Variants in PRKG1 observed in about 807,000 individuals in gnomAD.
PRKG1 encodes the protein cGMP-dependent protein kinase 1.
In PRKG1, 35 loss-of-function variants were observed where a neutral mutation model predicts 88.1. The observed-to-expected ratio is 0.40, with a 90% CI of 0.30 to 0.53. The LOEUF is 0.53. Ranked by LOEUF, PRKG1 falls within the 20% of genes least tolerant of loss-of-function variation. The pLI, the probability that PRKG1 is intolerant of heterozygous loss-of-function variation, is 0.59. For missense variants in PRKG1, 540 were observed against 839.8 expected (o/e 0.64, Z 4.41); for synonymous variants, 303 against 292.5 (o/e 1.04, Z -0.37).
intron 3 of PRKG1, among the ~76,000 whole-genome samples, chr10:51,468,516 A>AT (rs1433391462): frequency 2.0e-5 from 3 of 151,844 alleles, no homozygotes; most frequent in Admixed American, 1.3e-4. Flanking sequence ...AAGGAAAAAG[A>AT]TTTTTTTAAA....
intron 2 of PRKG1, among the ~76,000 whole-genome samples, chr10:51,353,418 G>A (rs1020438232): frequency 2.0e-5 from 3 of 151,714 alleles, no homozygotes; most frequent in Non-Finnish European, 1.5e-5. Flanking sequence ...GATTAATAAC[G>A]AGAATATAGA....
chr10:51,182,359 G>A (rs1335934365), intron 2 of PRKG1, among the ~76,000 whole-genome samples: 8 of 152,146 alleles, frequency 5.3e-5, no homozygotes, highest in Non-Finnish European at 1.0e-4. Flanking sequence ...GTTGATTTTA[G>A]AGATATCATA....
At chr10:51,572,066 T>C (rs1017294127) in intron 3 of PRKG1, among the ~76,000 whole-genome samples, 2 of 152,026 alleles carry the variant, frequency 1.3e-5, no homozygotes, top group Non-Finnish European at 2.9e-5. Context: ...ATAAAGCAAT[T>C]TGTAGTTGTC....
chr10:52,069,903 T>C (rs1455612059), intron 7 of PRKG1, among the ~76,000 whole-genome samples: 2 of 152,166 alleles, frequency 1.3e-5, no homozygotes, highest in Non-Finnish European at 2.9e-5. Flanking sequence ...ATTGCACTTA[T>C]GTCATTCCTT....
intron 10 of PRKG1, chr10:52,252,952 A>G (rs549688914): frequency 2.6e-5 from 4 of 152,196 alleles, no homozygotes; most frequent in African/African-American, 9.6e-5. Flanking sequence ...GTGGCAAATC[A>G]TAATTGTCTG....
chr10:51,633,146 A>G (rs1310342521), intron 3 of PRKG1, among the ~76,000 whole-genome samples: 1 of 152,192 alleles, frequency 6.6e-6, no homozygotes, highest in Non-Finnish European at 1.5e-5. Context: ...ACTCAGAGGT[A>G]CAAGAAGAGT....
At chr10:51,113,944 CGTGTGTGTGTGTGTGTGT>C (rs35562284) in intron 1 of PRKG1, among the ~76,000 whole-genome samples, 10 of 139,028 alleles carry the variant, frequency 7.2e-5, no homozygotes, top group South Asian at 2.5e-4. Context: ...AGCCTGTAAA[CGTGTGTGTGTGTGTGTGT>C]GTGTGTGTGT....
chr10:51,304,696 A>G (rs1302595760), intron 2 of PRKG1, among the ~76,000 whole-genome samples: 1 of 130,000 alleles, frequency 7.7e-6, no homozygotes, highest in African/African-American at 3.0e-5. Context: ...ATGTGTTCTC[A>G]TTGTTCAATT....
At chr10:51,375,333 G>C (rs1842795467) in intron 2 of PRKG1, among the ~76,000 whole-genome samples, 1 of 151,990 alleles carries the variant, frequency 6.6e-6, no homozygotes, top group Admixed American at 6.6e-5. Context: ...ATAGTGGCTG[G>C]CATAGAGGAG....
chr10:51,299,100 T>A (rs1489530957), intron 2 of PRKG1, among the ~76,000 whole-genome samples: 2 of 152,112 alleles, frequency 1.3e-5, no homozygotes, highest in Non-Finnish European at 2.9e-5. Flanking sequence ...GTTCAGTTAA[T>A]GGTTCCTTAA....
At chr10:51,163,503 G>A (rs931192122) in intron 2 of PRKG1, among the ~76,000 whole-genome samples, 5 of 152,118 alleles carry the variant, frequency 3.3e-5, no homozygotes, top group Non-Finnish European at 7.4e-5. Flanking sequence ...TGAGGTACCG[G>A]GTTCATCTCA....
intron 2 of PRKG1, among the ~76,000 whole-genome samples, chr10:51,268,808 G>A (rs940122150): frequency 9.2e-5 from 14 of 152,174 alleles, no homozygotes; most frequent in African/African-American, 3.1e-4. Context: ...TATTGACTGG[G>A]GAAGTGATAG....
intron 2 of PRKG1, among the ~76,000 whole-genome samples, chr10:51,219,390 A>G (rs1425001982): frequency 6.6e-6 from 1 of 152,096 alleles, no homozygotes; most frequent in African/African-American, 2.4e-5. Context: ...GCTTTAATCT[A>G]GGTACACAGT....
chr10:51,894,749 T>C (rs1239681542), intron 4 of PRKG1, among the ~76,000 whole-genome samples: 1 of 152,170 alleles, frequency 6.6e-6, no homozygotes, highest in East Asian at 1.9e-4. Flanking sequence ...TTAGATATAG[T>C]GTAGTTTTAG....
rs564876343 is a variant in PRKG1 at position 52,208,701 on chromosome 10, A to G, written c.1077-42869A>G. Among the ~76,000 whole-genome samples, 12 of 152,362 alleles carry G rather than the reference A, an allele frequency of 7.9e-5. No individual in the cohort carries two copies. In the East Asian group the frequency reaches 2.3e-3, roughly 29 times the overall value. ...AAAGATGATCTTCAAGGCAATGACAAGTGAAATGGCAAATTATTTCTGCCC... is the reference window on the plus strand; with the variant it reads ...AAAGATGATCTTCAAGGCAATGACAGGTGAAATGGCAAATTATTTCTGCCC... On this transcript the variant is annotated intron_variant, in intron 9 of 17. Transcript: ENST00000373980.
intron 3 of PRKG1, among the ~76,000 whole-genome samples, chr10:51,562,290 C>T (rs551802763): frequency 1.3e-4 from 19 of 151,482 alleles, no homozygotes; most frequent in African/African-American, 4.1e-4. Context: ...AGGTTTTCAT[C>T]TTTTGCAAGG....
intron 3 of PRKG1, among the ~76,000 whole-genome samples, chr10:51,778,023 T>C (rs987841296): frequency 6.6e-6 from 1 of 152,196 alleles, no homozygotes; most frequent in Non-Finnish European, 1.5e-5. Flanking sequence ...GAAAGACATT[T>C]TGATTGCTTC....
At chr10:52,093,311 A>G (rs905099397) in intron 7 of PRKG1, among the ~76,000 whole-genome samples, 7 of 152,212 alleles carry the variant, frequency 4.6e-5, no homozygotes, top group Non-Finnish European at 7.4e-5. Context: ...AAGTGGTCAA[A>G]TAACTGTTAT....
At position 52,296,450 on chromosome 10, in the gene PRKG1, G is replaced by A. The variant is rs981434677; in HGVS notation, c.*2550G>A. The A allele has an allele frequency of 8.5e-5, 13 of 152,074 alleles. No individual in the cohort carries two copies. In the East Asian group the frequency reaches 1.4e-3, roughly 16 times the overall value. The allele number at this position is 152,074 out of a possible 1,614,324, so 9.4% of individuals were successfully genotyped here. A position where few individuals can be genotyped will look rare whatever the true frequency, so the allele number is the denominator to read the frequency against. The stretch of plus-strand genomic sequence containing the variant: ...CAAGATGTACCAACAGAAAACATTC[G>A]TCTAATTTTGTCAACATTGAATTTT... On this transcript the variant is annotated 3_prime_UTR_variant, in exon 18 of 18. Coordinates refer to ENST00000373980, the MANE Select transcript of PRKG1 (RefSeq NM_006258.4).
Sources: allele counts gnomAD v4.1 joint callset (sites outside exome capture counted in the v4.1 genomes callset), GRCh38; gene constraint gnomAD v4.1.1; transcripts MANE v1.5; gene names NCBI Gene and HGNC (gene_info 2026-07-23, HGNC 2026-07-21).